CNKSR3: variants seen among roughly 807,000 people sequenced by gnomAD.
CNKSR3 encodes the protein CNKSR family member 3, also known as connector enhancer of kinase suppressor of ras 3.
In CNKSR3, 36 loss-of-function variants were observed where a neutral mutation model predicts 67.7. The ratio of observed to expected loss-of-function variants is 0.53; its 90% confidence interval spans 0.41 to 0.70. The LOEUF is 0.70. CNKSR3 is among the 30% of genes least tolerant of loss of function. The probability of loss-of-function intolerance (pLI) is 0.00; values close to 1 mark genes in which losing one functional copy is unlikely to be tolerated. For missense variants in CNKSR3, 630 were observed against 695.2 expected (o/e 0.91, Z 1.05); for synonymous variants, 281 against 271.4 (o/e 1.04, Z -0.35).
At chr6:154,467,666 G>T (rs964262732) in intron 1 of CNKSR3, among the ~76,000 whole-genome samples, 2 of 152,090 alleles carry the variant, frequency 1.3e-5, no homozygotes, top group Admixed American at 1.3e-4. Context: ...TTAATTTCAA[G>T]TTTATTTTCA....
intron 1 of CNKSR3, among the ~76,000 whole-genome samples, chr6:154,456,119 AC>A (rs1203947375): frequency 6.6e-6 from 1 of 152,160 alleles, no homozygotes; most frequent in East Asian, 1.9e-4. Context: ...CATCATGACC[AC>A]TTTAGTGGAA....
chr6:154,504,266 G>C (rs1454222030), intron 1 of CNKSR3, among the ~76,000 whole-genome samples: 1 of 152,250 alleles, frequency 6.6e-6, no homozygotes, highest in Non-Finnish European at 1.5e-5. Context: ...CTGATCAGCT[G>C]CAAGTTCTGC....
At chr6:154,481,213 CTT>C (rs1786560556) in intron 1 of CNKSR3, among the ~76,000 whole-genome samples, 3 of 151,564 alleles carry the variant, frequency 2.0e-5, no homozygotes, top group Non-Finnish European at 2.9e-5. Flanking sequence ...TGATAGCAGT[CTT>C]ACGCATATTT....
At chr6:154,455,111 C>T (rs1185492997) in intron 1 of CNKSR3, among the ~76,000 whole-genome samples, 4 of 70,600 alleles carry the variant, frequency 5.7e-5, no homozygotes, top group African/African-American at 2.7e-4. Context: ...GAGTTCGAGA[C>T]GAGGCCTGGC....
chr6:154,479,230 A>ATAT lies in CNKSR3; in HGVS notation c.53-28973_53-28972insATA, dbSNP rs1554237018. On this transcript the variant is annotated intron_variant, in intron 1 of 12. Coordinates refer to ENST00000607772, the MANE Select transcript of CNKSR3 (RefSeq NM_173515.4). ...GATGGATTCAGAGAAAAAAAAAAAAAATATTCTTTCAGTGCAGATTCCACT... is the reference window on the plus strand; with the variant it reads ...GATGGATTCAGAGAAAAAAAAAAAAATATATATTCTTTCAGTGCAGATTCCACT... 2.0e-5 allele frequency among the ~76,000 whole-genome samples: 3 copies of ATAT among 151,416 alleles called. No individual in the cohort carries two copies. In the East Asian group the frequency reaches 5.8e-4, roughly 29 times the overall value.
At chr6:154,407,646 G>A (rs1305718002) in intron 12 of CNKSR3, among the ~76,000 whole-genome samples, 1 of 151,906 alleles carries the variant, frequency 6.6e-6, no homozygotes, top group Non-Finnish European at 1.5e-5. Context: ...GACTACAGGT[G>A]CGCACAACCA....
At chr6:154,487,044 T>C (rs1786688429) in intron 1 of CNKSR3, among the ~76,000 whole-genome samples, 2 of 152,154 alleles carry the variant, frequency 1.3e-5, no homozygotes, top group Non-Finnish European at 2.9e-5. Flanking sequence ...CCTGAGTAGC[T>C]GGGACTACAG....
rs527473538 is a variant in CNKSR3 at position 154,388,530 on chromosome 6, G to A, written c.*17824C>T. The A allele has an allele frequency of 1.3e-5, 2 of 152,274 alleles. No homozygotes were observed. Among genetic ancestry groups the A allele is most frequent in the Non-Finnish European group, 2.9e-5 (2 of 68,024 alleles). 9.4% of individuals were successfully genotyped at this position (152,274 alleles called of 1,614,324 possible). A position where few individuals can be genotyped will look rare whatever the true frequency, so the allele number is the denominator to read the frequency against. ...TTCAATTTTTTTGGATAAATATCCA[G>A]AAATAGGGTTGCTAGGTCACATGGC... is the stretch of plus-strand genomic sequence containing the variant. On this transcript the variant is annotated 3_prime_UTR_variant, in exon 13 of 13. Coordinates refer to ENST00000607772, the MANE Select transcript of CNKSR3 (RefSeq NM_173515.4).
intron 11 of CNKSR3, 51 bp downstream of exon 11, chr6:154,410,883 G>C: frequency 7.0e-7 from 1 of 1,425,568 alleles, no homozygotes; most frequent in Non-Finnish European, 9.7e-7. Flanking sequence ...CAGGGGGCGG[G>C]GAGGAGAAGT....
chr6:154,451,494 C>T (rs1242538551), intron 1 of CNKSR3, among the ~76,000 whole-genome samples: 1 of 15,232 alleles, frequency 6.6e-5, no homozygotes, highest in Non-Finnish European at 1.0e-4. Flanking sequence ...CACGCACACA[C>T]GCATACATGC....
rs1786657538 is a variant in CNKSR3, at chr6:154,485,978, C to A, written c.52+24085G>T. On this transcript the variant is annotated intron_variant, in intron 1 of 12. Transcript: ENST00000607772. ...GCCAGGACAATAACTCACTGGCATA[C>A]CCACTACATCGTGGACACACCCATG... Among the ~76,000 whole-genome samples the A allele has an allele frequency of 2.6e-5, 4 of 152,298 alleles. No homozygotes were observed. The South Asian group carries it at 8.3e-4, about 32-fold the overall frequency.
chr6:154,447,394 G>A (rs756611549), intron 2 of CNKSR3, among the ~76,000 whole-genome samples: 1 of 151,884 alleles, frequency 6.6e-6, no homozygotes, highest in African/African-American at 2.4e-5. Context: ...CTCTATAATC[G>A]GTCTCAGGTA....
At chr6:154,480,998 T>C (rs1042927568) in intron 1 of CNKSR3, among the ~76,000 whole-genome samples, 3 of 152,238 alleles carry the variant, frequency 2.0e-5, no homozygotes, top group Admixed American at 2.0e-4. Context: ...ATTTGATATT[T>C]ATTTGATAGC....
chr6:154,500,596 A>G (rs1786976649), intron 1 of CNKSR3, among the ~76,000 whole-genome samples: 1 of 152,130 alleles, frequency 6.6e-6, no homozygotes, highest in Non-Finnish European at 1.5e-5. Context: ...GTGATATATT[A>G]TGTGTTTAAA....
chr6:154,473,220 C>A (rs1200976604), intron 1 of CNKSR3, among the ~76,000 whole-genome samples: 1 of 152,168 alleles, frequency 6.6e-6, no homozygotes, highest in Non-Finnish European at 1.5e-5. Context: ...AGACAAGTGC[C>A]AGAGAGCACA....
Position 154,390,627 on chromosome 6 carries a change from A to G in CNKSR3, c.*15727T>C, listed in dbSNP as rs1050290239. ...GCCCCGTTGTGTCTCTGTTTGGCTC[A>G]TTTTGAAGTGATAGTCAGCAAGGCT... On this transcript the variant is annotated 3_prime_UTR_variant, in exon 13 of 13. Coordinates refer to ENST00000607772, the MANE Select transcript of CNKSR3 (RefSeq NM_173515.4). The G allele has an allele frequency of 9.2e-5, 14 of 152,118 alleles. No homozygotes were observed. Among genetic ancestry groups the G allele is most frequent in the African/African-American group, 3.4e-4 (14 of 41,404 alleles). The allele number at this position is 152,118 out of a possible 1,614,324, so 9.4% of individuals were successfully genotyped here. A position where few individuals can be genotyped will look rare whatever the true frequency, so the allele number is the denominator to read the frequency against.
intron 9 of CNKSR3, among the ~76,000 whole-genome samples, chr6:154,417,848 G>A (rs979923893): frequency 2.6e-5 from 4 of 152,078 alleles, no homozygotes; most frequent in Non-Finnish European, 4.4e-5. Context: ...CTACCACCCC[G>A]TATGGCAGGC....
At chr6:154,418,738 T>C (rs925632975) in intron 9 of CNKSR3, among the ~76,000 whole-genome samples, 12 of 152,150 alleles carry the variant, frequency 7.9e-5, no homozygotes, top group Non-Finnish European at 5.9e-5. Context: ...GTATAATCAA[T>C]AGGCTCAGTT....
intron 4 of CNKSR3, among the ~76,000 whole-genome samples, chr6:154,437,275 C>G (rs994590118): frequency 1.3e-5 from 2 of 152,168 alleles, no homozygotes; most frequent in African/African-American, 4.8e-5. Flanking sequence ...CTGGCACGTT[C>G]AATCTCATTG....
Sources: gnomAD v4.1 joint callset for allele counts (sites outside exome capture counted in the v4.1 genomes callset) on GRCh38, gnomAD v4.1.1 for gene constraint, MANE v1.5 for transcripts, NCBI Gene and HGNC (gene_info 2026-07-23, HGNC 2026-07-21) for gene names.